Variants in LUC7L3 observed in about 807,000 individuals in gnomAD.
The protein encoded by LUC7L3 is luc7-like protein 3.
A neutral mutation model predicts 66.8 loss-of-function variants in LUC7L3; 6 were observed. The ratio of observed to expected loss-of-function variants is 0.09; its 90% confidence interval spans 0.05 to 0.18. LUC7L3 has a LOEUF of 0.18. LUC7L3 is among the 10% of genes least tolerant of loss of function. The pLI, the probability that LUC7L3 is intolerant of heterozygous loss-of-function variation, is 1.00. For synonymous variants in LUC7L3, 160 were observed against 174.7 expected, an observed-to-expected ratio of 0.92 and a Z score of 0.66; for missense variants, 341 against 531.1, an observed-to-expected ratio of 0.64 and a Z score of 3.52.
chr17:50,729,895 ATTATATAT>A (rs1969450469), intron 1 of LUC7L3, among the ~76,000 whole-genome samples: 1 of 81,152 alleles, frequency 1.2e-5, no homozygotes, highest in Non-Finnish European at 2.5e-5. Context: ...ATATAAATAC[ATTATATAT>A]ATATATATAT....
At chr17:50,749,145 T>G in intron 9 of LUC7L3, 1 of 1,166,628 alleles carries the variant, frequency 8.6e-7, no homozygotes, top group Non-Finnish European at 1.1e-6. Context: ...TTTCCTTTTT[T>G]CATCCATAGC....
At chr17:50,726,743 T>C (rs548379741) in intron 1 of LUC7L3, among the ~76,000 whole-genome samples, 4 of 152,292 alleles carry the variant, frequency 2.6e-5, no homozygotes, top group East Asian at 1.9e-4. Flanking sequence ...CTTATAGTTA[T>C]TTTTTTCCCT....
At chr17:50,730,754 A>C (rs1382128504) in intron 1 of LUC7L3, among the ~76,000 whole-genome samples, 1 of 151,872 alleles carries the variant, frequency 6.6e-6, no homozygotes, top group Non-Finnish European at 1.5e-5. Context: ...CAGCCTGGCC[A>C]ACATGGCTTA....
chr17:50,750,975 G>A lies in LUC7L3; in HGVS notation c.*314G>A. 1 of 1,473,152 alleles carries A rather than the reference G, an allele frequency of 6.8e-7. No homozygotes were observed. Among genetic ancestry groups the A allele is most frequent in the Non-Finnish European group, 8.9e-7 (1 of 1,119,878 alleles). The allele number at this position is 1,473,152 out of a possible 1,614,324, so 91.3% of individuals were successfully genotyped here. ...TGAAAAGTTAATTATCCTTTTTTTA[G>A]GGATTTTGATGTCATTTCTTTTTTT... On this transcript the variant is annotated 3_prime_UTR_variant, in exon 10 of 10. Transcript: ENST00000505658.
intron 7 of LUC7L3, among the ~76,000 whole-genome samples, chr17:50,745,385 A>C (rs1279008053): frequency 6.6e-6 from 1 of 152,198 alleles, no homozygotes; most frequent in African/African-American, 2.4e-5. Context: ...ACTATATTCT[A>C]ATATGGCTTA....
chr17:50,751,514 A>C lies in LUC7L3; in HGVS notation c.*853A>C, dbSNP rs1256976503. 8.5e-7 allele frequency: 1 copy of C among 1,178,402 alleles called. No individual in the cohort carries two copies. Among genetic ancestry groups the C allele is most frequent in the African/African-American group, 1.6e-5 (1 of 62,002 alleles). 73.0% of individuals were successfully genotyped at this position (1,178,402 alleles called of 1,614,324 possible). Reference sequence around the variant, plus strand: ...TATTGCGTGAAAACTTATAAAACAAATGTTAACAGAATGGAATTTTTTTTC... The same window carrying C: ...TATTGCGTGAAAACTTATAAAACAACTGTTAACAGAATGGAATTTTTTTTC... On this transcript the variant is annotated 3_prime_UTR_variant, in exon 10 of 10. Coordinates refer to ENST00000505658, the MANE Select transcript of LUC7L3 (RefSeq NM_016424.5).
chr17:50,737,217 T>G, intron 2 of LUC7L3, 191 bp downstream of exon 2: 1 of 646,860 alleles, frequency 1.5e-6, no homozygotes, highest in Admixed American at 2.4e-5. Flanking sequence ...ACATGGTGGC[T>G]TAATTAAACA....
At chr17:50,721,589 G>T (rs1968769322) in intron 1 of LUC7L3, among the ~76,000 whole-genome samples, 1 of 152,208 alleles carries the variant, frequency 6.6e-6, no homozygotes, top group Non-Finnish European at 1.5e-5. Context: ...TGGCATTTCA[G>T]ATTGATATCT....
At position 50,754,020 on chromosome 17, in the gene LUC7L3, G is replaced by A. The variant is rs1452101809; in HGVS notation, c.*3359G>A. On this transcript the variant is annotated 3_prime_UTR_variant, in exon 10 of 10. Transcript: ENST00000505658. Reference sequence around the variant, plus strand: ...GAAGTTGAATTTTACACCCAAAATTGATGTGACTGAAGAGGAACTGATTGT... The same window carrying A: ...GAAGTTGAATTTTACACCCAAAATTAATGTGACTGAAGAGGAACTGATTGT... The A allele has an allele frequency of 6.6e-6, 1 of 152,142 alleles. No homozygotes were observed. Among genetic ancestry groups the A allele is most frequent in the East Asian group, 1.9e-4 (1 of 5,196 alleles). 9.4% of individuals were successfully genotyped at this position (152,142 alleles called of 1,614,324 possible). A position where few individuals can be genotyped will look rare whatever the true frequency, so the allele number is the denominator to read the frequency against.
chr17:50,745,066 C>T (rs949181667), intron 7 of LUC7L3, among the ~76,000 whole-genome samples: 2 of 152,046 alleles, frequency 1.3e-5, no homozygotes, highest in Middle Eastern at 3.4e-3. Context: ...CTCGGCTCAC[C>T]GCAACCTCCA....
chr17:50,733,609 G>T (rs999429840), intron 1 of LUC7L3, among the ~76,000 whole-genome samples: 1 of 151,910 alleles, frequency 6.6e-6, no homozygotes, highest in African/African-American at 2.4e-5. Flanking sequence ...CACCGTGTTA[G>T]CCAGGATGAT....
intron 9 of LUC7L3, chr17:50,749,291 C>G (rs1176177047): frequency 7.8e-7 from 1 of 1,289,358 alleles, no homozygotes; most frequent in Non-Finnish European, 1.0e-6. Context: ...CTCATTGAAG[C>G]TACCTGTGCA....
At chr17:50,739,702 T>G (rs1287235227) in intron 2 of LUC7L3, among the ~76,000 whole-genome samples, 2 of 152,146 alleles carry the variant, frequency 1.3e-5, no homozygotes, top group Admixed American at 6.6e-5. Context: ...CAGAAGTGTC[T>G]CATAATGAGC....
intron 3 of LUC7L3, 63 bp downstream of exon 3, chr17:50,740,408 G>A: frequency 7.0e-7 from 1 of 1,435,244 alleles, no homozygotes. Context: ...TGGGACAAGG[G>A]TTGAGGAATA....
chr17:50,736,479 A>T (rs1315607851), intron 1 of LUC7L3, among the ~76,000 whole-genome samples: 2 of 152,206 alleles, frequency 1.3e-5, no homozygotes, highest in Non-Finnish European at 2.9e-5. Flanking sequence ...CTGTAGTTGT[A>T]GTTACTTGGG....
At chr17:50,734,477 T>C (rs573166968) in intron 1 of LUC7L3, among the ~76,000 whole-genome samples, 165 of 152,164 alleles carry the variant, frequency 1.1e-3, no homozygotes, top group African/African-American at 3.9e-3. Context: ...TTTAAAACTT[T>C]TATTATGTTC....
At chr17:50,733,594 GGTTTCAC>G (rs1262025202) in intron 1 of LUC7L3, among the ~76,000 whole-genome samples, 4 of 151,966 alleles carry the variant, frequency 2.6e-5, no homozygotes, top group African/African-American at 9.7e-5. Flanking sequence ...GTAGAGACGG[GGTTTCAC>G]CGTGTTAGCC....
Position 50,751,415 on chromosome 17 carries a change from T to C in LUC7L3, c.*754T>C. On this transcript the variant is annotated 3_prime_UTR_variant, in exon 10 of 10. Coordinates refer to ENST00000505658, the MANE Select transcript of LUC7L3 (RefSeq NM_016424.5). Reference sequence around the variant, plus strand: ...ACCCACATCCATGTTTGAATGCTATTGCCTGTGATCTTTACGCTTAACTGT... The same window carrying C: ...ACCCACATCCATGTTTGAATGCTATCGCCTGTGATCTTTACGCTTAACTGT... 1 of 1,289,638 alleles carries C rather than the reference T, an allele frequency of 7.8e-7. No homozygotes were observed. Among genetic ancestry groups the C allele is most frequent in the African/African-American group, 1.5e-5 (1 of 66,022 alleles). 79.9% of individuals were successfully genotyped at this position (1,289,638 alleles called of 1,614,324 possible). A position where few individuals can be genotyped will look rare whatever the true frequency, so the allele number is the denominator to read the frequency against.
At chr17:50,733,192 A>C (rs1969738349) in intron 1 of LUC7L3, among the ~76,000 whole-genome samples, 1 of 152,138 alleles carries the variant, frequency 6.6e-6, no homozygotes. Context: ...AAAAATGGGA[A>C]ATAGAAATGA....
Sources: allele counts gnomAD v4.1 joint callset (sites outside exome capture counted in the v4.1 genomes callset), GRCh38; gene constraint gnomAD v4.1.1; transcripts MANE v1.5; gene names NCBI Gene and HGNC (gene_info 2026-07-23, HGNC 2026-07-21).